PTPRN2: variants seen among roughly 807,000 people sequenced by gnomAD.
PTPRN2 encodes the protein receptor-type tyrosine-protein phosphatase N2.
Under a neutral mutation model 118.8 loss-of-function variants are expected in PTPRN2, and 74 were observed. That is an observed-to-expected ratio of 0.62 (90% CI 0.52 to 0.76). The LOEUF is 0.76. Ranked by LOEUF, PTPRN2 falls within the 30% of genes least tolerant of loss-of-function variation. PTPRN2 has a pLI of 0.00. For missense variants in PTPRN2, 1,481 were observed against 1,394.4 expected (o/e 1.06, Z -0.99); for synonymous variants, 641 against 608.0 (o/e 1.05, Z -0.80).
At chr7:157,895,194 C>G (rs1475018680) in intron 12 of PTPRN2, among the ~76,000 whole-genome samples, 1 of 151,890 alleles carries the variant, frequency 6.6e-6, no homozygotes, top group Non-Finnish European at 1.5e-5. Flanking sequence ...AGGATCTGGA[C>G]GAGACCATAA....
At chr7:157,716,418 G>T (rs1377425204) in intron 12 of PTPRN2, among the ~76,000 whole-genome samples, 1 of 111,496 alleles carries the variant, frequency 9.0e-6, no homozygotes, top group African/African-American at 4.2e-5. Context: ...CAGGAACACT[G>T]CCTGGCCACG....
chr7:157,951,900 C>T (rs1451838796), intron 11 of PTPRN2, among the ~76,000 whole-genome samples: 2 of 152,162 alleles, frequency 1.3e-5, no homozygotes, highest in East Asian at 3.9e-4. Flanking sequence ...TTCATTGGCC[C>T]CGCCTGTCTG....
At chr7:158,104,139 G>A (rs950590529) in intron 10 of PTPRN2, among the ~76,000 whole-genome samples, 1 of 152,172 alleles carries the variant, frequency 6.6e-6, no homozygotes, top group Non-Finnish European at 1.5e-5. Flanking sequence ...GGGATTACAG[G>A]CATGAGCCAC....
chr7:157,626,297 G>A (rs898808250), intron 14 of PTPRN2, among the ~76,000 whole-genome samples: 1 of 152,148 alleles, frequency 6.6e-6, no homozygotes, highest in Non-Finnish European at 1.5e-5. Context: ...ATTACCAAGG[G>A]TGCCTAGACT....
intron 4 of PTPRN2, 41 bp downstream of exon 4, chr7:158,205,130 T>C (rs757843976): frequency 1.4e-6 from 2 of 1,463,130 alleles, no homozygotes; most frequent in Non-Finnish European, 1.9e-6. Context: ...CTATGGACTG[T>C]GTCCTGGGAG....
At chr7:157,661,501 C>CGCTCTGA (rs1563318050) in intron 13 of PTPRN2, among the ~76,000 whole-genome samples, 2 of 152,264 alleles carry the variant, frequency 1.3e-5, no homozygotes, top group Non-Finnish European at 2.9e-5. Flanking sequence ...GGCGCTGCTC[C>CGCTCTGA]GCTCTGAACC....
intron 3 of PTPRN2, among the ~76,000 whole-genome samples, chr7:158,294,814 G>C (rs1441501521): frequency 6.6e-6 from 1 of 152,130 alleles, no homozygotes; most frequent in African/African-American, 2.4e-5. Context: ...CGCTGACCCT[G>C]CCTGTCTGCC....
intron 2 of PTPRN2, among the ~76,000 whole-genome samples, chr7:158,481,496 GCT>G (rs1356954966): frequency 6.6e-6 from 1 of 152,208 alleles, no homozygotes; most frequent in African/African-American, 2.4e-5. Context: ...GTAGAGTCTT[GCT>G]CTGTCGCCCA....
At chr7:158,322,448 G>A (rs1254049174) in intron 2 of PTPRN2, among the ~76,000 whole-genome samples, 1 of 152,226 alleles carries the variant, frequency 6.6e-6, no homozygotes, top group Non-Finnish European at 1.5e-5. Context: ...CCAGGCTAAG[G>A]GAGCAGCTCC....
chr7:157,644,804 A>AAC (rs35502278), intron 14 of PTPRN2, among the ~76,000 whole-genome samples: 28,845 of 105,948 alleles, frequency 0.27, 2,945 homozygotes, highest in Admixed American at 0.29. Flanking sequence ...TCAAAAAACA[A>AAC]AAAAAAAAAA....
At chr7:158,184,821 A>T (rs571257200) in intron 5 of PTPRN2, among the ~76,000 whole-genome samples, 41 of 152,206 alleles carry the variant, frequency 2.7e-4, no homozygotes, top group South Asian at 2.1e-4. Flanking sequence ...CTCAAAAGAA[A>T]AAAAAAAGAT....
At chr7:158,243,906 C>T (rs991912043) in intron 3 of PTPRN2, among the ~76,000 whole-genome samples, 1 of 152,172 alleles carries the variant, frequency 6.6e-6, no homozygotes, top group East Asian at 1.9e-4. Flanking sequence ...TTACAAACTA[C>T]CTCCTAAGTA....
At chr7:157,850,905 T>C (rs6944445) in intron 12 of PTPRN2, among the ~76,000 whole-genome samples, 5,658 of 152,306 alleles carry the variant, frequency 0.037, 391 homozygotes, top group African/African-American at 0.13. Context: ...TGAAATATGC[T>C]TTGCACATTA....
chr7:158,190,173 C>T (rs1410169129), intron 5 of PTPRN2, among the ~76,000 whole-genome samples: 1 of 152,280 alleles, frequency 6.6e-6, no homozygotes, highest in Non-Finnish European at 1.5e-5. Flanking sequence ...GCTCTCATGA[C>T]ACCTCCAGGG....
At chr7:158,303,201 A>G (rs948729025) in intron 3 of PTPRN2, among the ~76,000 whole-genome samples, 18 of 151,210 alleles carry the variant, frequency 1.2e-4, no homozygotes, top group Non-Finnish European at 1.2e-4. Context: ...TGGAGTCTTC[A>G]GTAATTTTCA....
At chr7:158,047,282 G>A (rs1426608725) in intron 11 of PTPRN2, among the ~76,000 whole-genome samples, 2 of 152,262 alleles carry the variant, frequency 1.3e-5, no homozygotes, top group East Asian at 3.9e-4. Flanking sequence ...ATGCAGAACA[G>A]GCCAGGAGCC....
At position 157,709,388 on chromosome 7, in the gene PTPRN2, T is replaced by TGC. The variant is rs544190392; in HGVS notation, c.1789-26453_1789-26452dup. On this transcript the variant is annotated intron_variant, in intron 12 of 22. Transcript: ENST00000389418. ...ACAATTCTTTCAGTCCTGGTCCTCC[T>TGC]GCGGGTAGCTGAGAGCCTAAGTGAG... is the stretch of plus-strand genomic sequence containing the variant. 1.8e-4 allele frequency among the ~76,000 whole-genome samples: 27 copies of TGC among 152,352 alleles called. No individual in the cohort carries two copies. In the South Asian group the frequency reaches 5.4e-3, roughly 30 times the overall value.
intron 11 of PTPRN2, among the ~76,000 whole-genome samples, chr7:157,968,718 G>T (rs1015397699): frequency 1.3e-5 from 2 of 152,152 alleles, no homozygotes; most frequent in African/African-American, 2.4e-5. Context: ...AGCCTAGAAG[G>T]GTTTGTGTTT....
intron 12 of PTPRN2, among the ~76,000 whole-genome samples, chr7:157,866,673 G>A (rs910854497): frequency 3.9e-5 from 6 of 152,014 alleles, no homozygotes; most frequent in South Asian, 2.1e-4. Context: ...TGTCTGGCCC[G>A]AGTCCCAGGC....
Sources: gnomAD v4.1 joint callset for allele counts (sites outside exome capture counted in the v4.1 genomes callset) on GRCh38, gnomAD v4.1.1 for gene constraint, MANE v1.5 for transcripts, NCBI Gene and HGNC (gene_info 2026-07-23, HGNC 2026-07-21) for gene names.